The following MYL12B variants were observed in gnomAD, a reference collection of about 807,000 sequenced individuals.
MYL12B encodes myosin regulatory light chain 12B.
Under a neutral mutation model 12.9 loss-of-function variants are expected in MYL12B, and 3 were observed. The observed-to-expected ratio is 0.23, with a 90% CI of 0.11 to 0.60. The LOEUF (loss-of-function observed/expected upper bound fraction) is 0.60, where lower values mean the gene tolerates loss of function less well. Among genes scored for constraint, MYL12B ranks in the 20% least tolerant of loss-of-function variants. MYL12B has a pLI of 0.89. For missense variants in MYL12B, 120 were observed against 215.4 expected (o/e 0.56, Z 2.77); for synonymous variants, 57 against 71.9 (o/e 0.79, Z 1.05).
chr18:3,267,178 C>G (rs1483881220), intron 1 of MYL12B, among the ~76,000 whole-genome samples: 1 of 152,168 alleles, frequency 6.6e-6, no homozygotes. Context: ...CTATAGGCAT[C>G]ACTTTTTTGA....
In MYL12B at chr18:3,272,961, T is replaced by C. The variant is rs1598808950; in HGVS notation, c.63T>C (p.Asn21=). ...TKKRPQRATS[N]VFAMFDQSQI... ...AGCGCCCTCAGCGTGCAACATCCAA[T>C]GTGTTTGCCATGTTTGACCAGTCAC... Residue 21 remains asparagine, a synonymous_variant, in exon 2 of 4, where the codon AAT becomes AAC. Coordinates refer to ENST00000237500, the MANE Select transcript of MYL12B (RefSeq NM_033546.4). The C allele has an allele frequency of 6.2e-7, 1 of 1,609,508 alleles. No individual in the cohort carries two copies. The highest frequency in any genetic ancestry group is 8.5e-7 in the Non-Finnish European group (1 of 1,178,980).
In MYL12B at chr18:3,277,281, T is replaced by A; in HGVS notation, c.213T>A (p.Asp71Glu). ...AGAATCCCACTGATGCATACCTTGA[T>A]GCCATGATGAATGAGGCCCCAGGGC... ...LGKNPTDAYL[D>E]AMMNEAPGPI... The change falls in exon 3 of 4, where the codon GAT (aspartate) becomes GAA (glutamate). Residue 71 changes from aspartate (D) to glutamate (E), a missense_variant. Coordinates refer to ENST00000237500, the MANE Select transcript of MYL12B (RefSeq NM_033546.4). 6.2e-7 allele frequency: 1 copy of A among 1,612,616 alleles called. No homozygotes were observed. Among genetic ancestry groups the A allele is most frequent in the Non-Finnish European group, 8.5e-7 (1 of 1,179,362 alleles).
At chr18:3,272,409 A>T (rs567641715) in intron 1 of MYL12B, among the ~76,000 whole-genome samples, 1 of 96,868 alleles carries the variant, frequency 1.0e-5, no homozygotes, top group East Asian at 2.9e-4. Flanking sequence ...TGCCTTCATA[A>T]CAGTGCTTGG....
At chr18:3,267,663 A>G (rs2081644096) in intron 1 of MYL12B, among the ~76,000 whole-genome samples, 1 of 152,204 alleles carries the variant, frequency 6.6e-6, no homozygotes, top group South Asian at 2.1e-4. Context: ...TCTCATTCAC[A>G]TAATTTTTAT....
intron 1 of MYL12B, among the ~76,000 whole-genome samples, chr18:3,263,777 T>G (rs1228238794): frequency 6.6e-6 from 1 of 152,248 alleles, no homozygotes. Context: ...TTGCTTGTTA[T>G]GCCCAGGTAT....
Position 3,273,039 on chromosome 18 carries a change from C to T in MYL12B, c.141C>T (p.Gly47=), listed in dbSNP as rs760712616. Residue 47 remains glycine (G), a synonymous_variant, in exon 2 of 4, where the codon GGC becomes GGT. Transcript: ENST00000237500. ...ACATGATTGATCAGAACAGAGATGGCTTCATCGACAAGGAAGATTTGCATG... is the reference window on the plus strand; with the variant it reads ...ACATGATTGATCAGAACAGAGATGGTTTCATCGACAAGGAAGATTTGCATG... ...AFNMIDQNRD[G]FIDKEDLHDM... is the part of the protein sequence containing the mutation. 7 of 1,606,892 alleles carry T rather than the reference C, an allele frequency of 4.4e-6. No individual in the cohort carries two copies. In the African/African-American group the frequency reaches 6.7e-5, roughly 15 times the overall value.
chr18:3,264,474 T>TG (rs1186321578), intron 1 of MYL12B, among the ~76,000 whole-genome samples: 12 of 152,148 alleles, frequency 7.9e-5, no homozygotes, highest in African/African-American at 2.6e-4. Flanking sequence ...GAAGCCAATG[T>TG]GGGGGGATCA....
At chr18:3,275,186 A>T (rs78604022) in intron 2 of MYL12B, among the ~76,000 whole-genome samples, 1,535 of 152,294 alleles carry the variant, frequency 0.01, 17 homozygotes, top group Non-Finnish European at 0.013. Context: ...AATGGAAGAC[A>T]TTATGTTAAG....
At chr18:3,271,012 T>C (rs1356969260) in intron 1 of MYL12B, among the ~76,000 whole-genome samples, 1 of 152,178 alleles carries the variant, frequency 6.6e-6, no homozygotes, top group Non-Finnish European at 1.5e-5. Flanking sequence ...CTTTTGGAAC[T>C]TTTTCTAAAT....
intron 1 of MYL12B, among the ~76,000 whole-genome samples, chr18:3,267,563 T>G (rs1056683432): frequency 2.0e-5 from 3 of 152,182 alleles, no homozygotes; most frequent in Non-Finnish European, 2.9e-5. Context: ...CCACGGTCCA[T>G]GGTTTTGCTT....
intron 1 of MYL12B, among the ~76,000 whole-genome samples, chr18:3,266,216 A>G (rs941180471): frequency 1.3e-5 from 2 of 152,208 alleles, no homozygotes; most frequent in Non-Finnish European, 2.9e-5. Context: ...AAGGAAGATC[A>G]GCCTCCAAGA....
rs188223835 is a variant in MYL12B, at chr18:3,278,039, C to T, written c.*102C>T. On this transcript the variant is annotated 3_prime_UTR_variant, in exon 4 of 4. Coordinates refer to ENST00000237500, the MANE Select transcript of MYL12B (RefSeq NM_033546.4). ...GAACCTGTTGCATGCAACTTAGTTT[C>T]ACAGCTTTGCCTCTTCTTTTTGATG... is the stretch of plus-strand genomic sequence containing the variant. 1 of 1,400,850 alleles carries T rather than the reference C, an allele frequency of 7.1e-7. No homozygotes were observed. Among genetic ancestry groups the T allele is most frequent in the African/African-American group, 1.5e-5 (1 of 68,290 alleles). The allele number at this position is 1,400,850 out of a possible 1,614,324, so 86.8% of individuals were successfully genotyped here. A position where few individuals can be genotyped will look rare whatever the true frequency, so the allele number is the denominator to read the frequency against.
intron 1 of MYL12B, among the ~76,000 whole-genome samples, chr18:3,269,602 T>G (rs2081661353): frequency 6.6e-6 from 1 of 152,286 alleles, no homozygotes; most frequent in East Asian, 1.9e-4. Flanking sequence ...TTCACAGGCA[T>G]TTGGATGTTT....
Position 3,273,298 on chromosome 18 carries a change from C to T in MYL12B, c.184+216C>T, listed in dbSNP as rs10468736. ...CTGGCAGATGCTGTGCCCGGGTAGG[C>T]TAATGTTCCTGTTAGCTAAATTTTT... On this transcript the variant is annotated intron_variant, in intron 2 of 3. Coordinates refer to ENST00000237500, the MANE Select transcript of MYL12B (RefSeq NM_033546.4). Among the ~76,000 whole-genome samples the T allele has an allele frequency of 7.6e-3, 1,162 of 152,154 alleles. 16 individuals are homozygous for T. Among genetic ancestry groups the T allele is most frequent in the African/African-American group, 0.027 (1,103 of 41,494 alleles).
intron 1 of MYL12B, among the ~76,000 whole-genome samples, chr18:3,266,242 C>G (rs1368051334): frequency 6.6e-6 from 1 of 152,142 alleles, no homozygotes; most frequent in African/African-American, 2.4e-5. Context: ...GACGCATAGC[C>G]GACAAGTTGG....
intron 2 of MYL12B, chr18:3,276,636 A>G (rs1219321459): frequency 3.6e-6 from 3 of 843,252 alleles, no homozygotes; most frequent in South Asian, 1.1e-4. Flanking sequence ...ACTTTGAAGC[A>G]TATCAACTTA....
chr18:3,270,095 C>G (rs1054660830), intron 1 of MYL12B, among the ~76,000 whole-genome samples: 8 of 152,032 alleles, frequency 5.3e-5, no homozygotes, highest in African/African-American at 1.2e-4. Context: ...GAACAGAAAG[C>G]CAGATTGTGG....
At chr18:3,275,426 T>G (rs1393574274) in intron 2 of MYL12B, among the ~76,000 whole-genome samples, 1 of 152,150 alleles carries the variant, frequency 6.6e-6, no homozygotes, top group African/African-American at 2.4e-5. Context: ...AGCAGTAATT[T>G]GTTGTACATT....
chr18:3,271,595 A>T (rs987129484), intron 1 of MYL12B, among the ~76,000 whole-genome samples: 4 of 152,074 alleles, frequency 2.6e-5, no homozygotes, highest in Non-Finnish European at 5.9e-5. Flanking sequence ...TCAAGTTTGG[A>T]TGTCCTAAGA....
Sources: gnomAD v4.1 joint callset for allele counts (sites outside exome capture counted in the v4.1 genomes callset) on GRCh38, gnomAD v4.1.1 for gene constraint, MANE v1.5 for transcripts, NCBI Gene and HGNC (gene_info 2026-07-23, HGNC 2026-07-21) for gene names.